Variants in KCNA1 observed in about 807,000 individuals in gnomAD.
KCNA1 encodes the protein potassium voltage-gated channel subfamily A member 1.
Under a neutral mutation model 28.8 loss-of-function variants are expected in KCNA1, and 19 were observed. That is an observed-to-expected ratio of 0.66 (90% confidence interval 0.46 to 0.97). The LOEUF is 0.97. KCNA1 is among the 50% of genes least tolerant of loss of function. The probability of loss-of-function intolerance (pLI) is 0.00; values close to 1 mark genes in which losing one functional copy is unlikely to be tolerated. For synonymous variants in KCNA1, 311 were observed against 268.8 expected (o/e 1.16, Z -1.53); for missense variants, 419 against 659.7 (o/e 0.64, Z 4.00).
rs544566349 is a variant in KCNA1 at position 4,917,740 on chromosome 12, G to A, written c.*4874G>A. 4 of 166,926 alleles carry A rather than the reference G, an allele frequency of 2.4e-5. No homozygotes were observed. Among genetic ancestry groups the A allele is most frequent in the Admixed American group, 2.0e-4 (3 of 15,270 alleles). 10.3% of individuals were successfully genotyped at this position (166,926 alleles called of 1,614,324 possible). A position where few individuals can be genotyped will look rare whatever the true frequency, so the allele number is the denominator to read the frequency against. On this transcript the variant is annotated 3_prime_UTR_variant, in exon 2 of 2. Coordinates refer to ENST00000382545, the MANE Select transcript of KCNA1 (RefSeq NM_000217.3). ...ATCAAAGAAGAAGAAATGGTGTATG[G>A]AAAGAAAACAAAACAAAACAAGAAA... is the stretch of plus-strand genomic sequence containing the variant.
Position 4,911,241 on chromosome 12 carries a change from T to G in KCNA1, c.-138T>G, listed in dbSNP as rs1947348459. 7.7e-6 allele frequency: 5 copies of G among 649,794 alleles called. No homozygotes were observed. The highest frequency in any genetic ancestry group is 1.3e-5 in the Non-Finnish European group (5 of 377,252). The allele number at this position is 649,794 out of a possible 1,614,324, so 40.3% of individuals were successfully genotyped here. A position where few individuals can be genotyped will look rare whatever the true frequency, so the allele number is the denominator to read the frequency against. ...CGCAGATCTCCCGACCTGCTCGTGT[T>G]GAAGCACCTCCCCCTGGGCGTGAGG... On this transcript the variant is annotated 5_prime_UTR_variant, in exon 2 of 2. Coordinates refer to ENST00000382545, the MANE Select transcript of KCNA1 (RefSeq NM_000217.3). This position sits in a 1 kb window ranked among gnomAD's most constrained non-coding sequence, Gnocchi z 6.6.
Position 4,917,792 on chromosome 12 carries a change from G to A in KCNA1, c.*4926G>A, listed in dbSNP as rs886049537. ...CTCTTGTAAAATATTCCAGGTCAAA[G>A]TTGTCTCCTCTCCAAACCTTGCAGA... On this transcript the variant is annotated 3_prime_UTR_variant, in exon 2 of 2. Coordinates refer to ENST00000382545, the MANE Select transcript of KCNA1 (RefSeq NM_000217.3). 3 of 167,046 alleles carry A rather than the reference G, an allele frequency of 1.8e-5. No homozygotes were observed. The highest frequency in any genetic ancestry group is 2.9e-5 in the Non-Finnish European group (2 of 68,128). 10.3% of individuals were successfully genotyped at this position (167,046 alleles called of 1,614,324 possible).
Position 4,914,780 on chromosome 12 carries a change from A to G in KCNA1, c.*1914A>G, listed in dbSNP as rs1178228668. On this transcript the variant is annotated 3_prime_UTR_variant, in exon 2 of 2. Coordinates refer to ENST00000382545, the MANE Select transcript of KCNA1 (RefSeq NM_000217.3). ...TGACGCTGGATGTGAACTGAGACCC[A>G]TCTTTGAACTGGACATGAACTGTGA... The G allele has an allele frequency of 5.4e-5, 9 of 167,074 alleles. No homozygotes were observed. The Admixed American group carries it at 5.9e-4, about 11-fold the overall frequency. The allele number at this position is 167,074 out of a possible 1,614,324, so 10.3% of individuals were successfully genotyped here. A position where few individuals can be genotyped will look rare whatever the true frequency, so the allele number is the denominator to read the frequency against.
Position 4,917,690 on chromosome 12 carries a change from G to A in KCNA1, c.*4824G>A, listed in dbSNP as rs955057648. 6.0e-6 allele frequency: 1 copy of A among 166,948 alleles called. No individual in the cohort carries two copies. The highest frequency in any genetic ancestry group is 6.5e-5 in the Admixed American group (1 of 15,278). The allele number at this position is 166,948 out of a possible 1,614,324, so 10.3% of individuals were successfully genotyped here. A position where few individuals can be genotyped will look rare whatever the true frequency, so the allele number is the denominator to read the frequency against. On this transcript the variant is annotated 3_prime_UTR_variant, in exon 2 of 2. Coordinates refer to ENST00000382545, the MANE Select transcript of KCNA1 (RefSeq NM_000217.3). The stretch of plus-strand genomic sequence containing the variant: ...ACTCTTTATGACGTGAAACTTCAAA[G>A]AGTATAGAAAACTTTTGTACCACAA...
rs754516764 is a variant in KCNA1 at position 4,911,344 on chromosome 12, C to A, written c.-35C>A. The A allele has an allele frequency of 4.4e-6, 7 of 1,601,418 alleles. No individual in the cohort carries two copies. Among genetic ancestry groups the A allele is most frequent in the Non-Finnish European group, 6.0e-6 (7 of 1,174,942 alleles). On this transcript the variant is annotated 5_prime_UTR_variant, in exon 2 of 2. Transcript: ENST00000382545. This position sits in a 1 kb window ranked among gnomAD's most constrained non-coding sequence, Gnocchi z 6.6. ...CTGGCTGCTTCCCACCCCGGGCTCT[C>A]TCCTGGCCTCCCACCCCCGCGCCCG...
chr12:4,912,261 C>A lies in KCNA1; in HGVS notation c.883C>A (p.Arg295Ser). ...ATSLAILRVI[R>S]LVRVFRIFKL... ...CTCCCTGGCCATCCTCAGGGTCATC[C>A]GCTTGGTAAGGGTTTTTAGAATCTT... The change falls in exon 2 of 2, where the codon CGC becomes AGC. Residue 295 changes from arginine to serine, a missense_variant. This residue lies in a region of KCNA1 where 54 missense variants were observed against 186.4 expected (regional missense o/e 0.29). Coordinates refer to ENST00000382545, the MANE Select transcript of KCNA1 (RefSeq NM_000217.3). 1 of 1,612,756 alleles carries A rather than the reference C, an allele frequency of 6.2e-7. No individual in the cohort carries two copies. The highest frequency in any genetic ancestry group is 8.5e-7 in the Non-Finnish European group (1 of 1,179,742).
In KCNA1 at chr12:4,913,017, A is replaced by G. The variant is rs760230132; in HGVS notation, c.*151A>G. On this transcript the variant is annotated 3_prime_UTR_variant, in exon 2 of 2. Transcript: ENST00000382545. ...TATTTAACTGTCAATGCGTTGTTGCATTGAGGATTTTGGGGGTGGTGAACC... is the reference window on the plus strand; with the variant it reads ...TATTTAACTGTCAATGCGTTGTTGCGTTGAGGATTTTGGGGGTGGTGAACC... The G allele has an allele frequency of 4.4e-6, 3 of 685,040 alleles. No individual in the cohort carries two copies. Among genetic ancestry groups the G allele is most frequent in the Non-Finnish European group, 7.9e-6 (3 of 378,650 alleles). The allele number at this position is 685,040 out of a possible 1,614,324, so 42.4% of individuals were successfully genotyped here.
Position 4,911,215 on chromosome 12 carries a change from T to G in KCNA1, c.-164T>G, listed in dbSNP as rs1227384836. 6.5e-6 allele frequency: 4 copies of G among 612,246 alleles called. No individual in the cohort carries two copies. Among genetic ancestry groups the G allele is most frequent in the Non-Finnish European group, 1.2e-5 (4 of 347,120 alleles). 37.9% of individuals were successfully genotyped at this position (612,246 alleles called of 1,614,324 possible). ...GAGGGGAAGGCAGCGAGAGGCAAAG[T>G]CGCAGATCTCCCGACCTGCTCGTGT... On this transcript the variant is annotated 5_prime_UTR_variant, in exon 2 of 2. Transcript: ENST00000382545. The surrounding 1 kb of genome is among the most constrained non-coding windows in gnomAD (Gnocchi z 6.6).
Position 4,911,615 on chromosome 12 carries a change from G to A in KCNA1, c.237G>A (p.Glu79=), listed in dbSNP as rs149110871. The stretch of plus-strand genomic sequence containing the variant: ...GCTACTTCGACCCCCTGAGGAACGA[G>A]TACTTCTTCGACCGCAACCGGCCCA... ...RMRYFDPLRN[E]YFFDRNRPSF... is the part of the protein sequence containing the mutation. Residue 79 remains glutamate, a synonymous_variant, in exon 2 of 2, where the codon GAG becomes GAA. Transcript: ENST00000382545. The surrounding 1 kb of genome is among the most constrained non-coding windows in gnomAD (Gnocchi z 6.6). The A allele has an allele frequency of 4.8e-4, 773 of 1,614,160 alleles. 8 individuals carry two copies. In the African/African-American group the frequency reaches 9.2e-3, roughly 19 times the overall value.
At position 4,913,099 on chromosome 12, in the gene KCNA1, A is replaced by G. The variant is rs1947362636; in HGVS notation, c.*233A>G. On this transcript the variant is annotated 3_prime_UTR_variant, in exon 2 of 2. Transcript: ENST00000382545. ...TATTTTCCTTTTATTAAAAAATGGG[A>G]AAAGAGAGAGTATTTTCTAAAACTG... The G allele has an allele frequency of 1.8e-6, 1 of 552,150 alleles. No homozygotes were observed. Among genetic ancestry groups the G allele is most frequent in the Non-Finnish European group, 3.3e-6 (1 of 301,808 alleles). The allele number at this position is 552,150 out of a possible 1,614,324, so 34.2% of individuals were successfully genotyped here.
rs1219849922 is a variant in KCNA1, at chr12:4,914,643, T to G, written c.*1777T>G. Reference sequence around the variant, plus strand: ...TTGCTTTTTCTTTTTCCATTCTCGCTCTCTCATTTCACCACTGTGAGAAGA... The same window carrying G: ...TTGCTTTTTCTTTTTCCATTCTCGCGCTCTCATTTCACCACTGTGAGAAGA... On this transcript the variant is annotated 3_prime_UTR_variant, in exon 2 of 2. Coordinates refer to ENST00000382545, the MANE Select transcript of KCNA1 (RefSeq NM_000217.3). 1.8e-5 allele frequency: 3 copies of G among 167,200 alleles called. No individual in the cohort carries two copies. Among genetic ancestry groups the G allele is most frequent in the African/African-American group, 7.2e-5 (3 of 41,440 alleles). 10.4% of individuals were successfully genotyped at this position (167,200 alleles called of 1,614,324 possible).
rs780167432 is a variant in KCNA1, at chr12:4,912,789, G to A, written c.1411G>A (p.Val471Ile). 6.8e-6 allele frequency: 11 copies of A among 1,613,944 alleles called. No individual in the cohort carries two copies. Among genetic ancestry groups the A allele is most frequent in the Non-Finnish European group, 8.5e-6 (10 of 1,180,002 alleles). Reference protein sequence around the residue: ...MNNSIAHYRQVNIRTANCTTA... With the variant: ...MNNSIAHYRQINIRTANCTTA... ...TAATAGCATAGCCCATTATAGACAG[G>A]TCAATATCAGAACTGCCAATTGCAC... is the stretch of plus-strand genomic sequence containing the variant. The change falls in exon 2 of 2, where the codon GTC becomes ATC. Residue 471 changes from valine to isoleucine, a missense_variant. Physicochemically the swap from Val to Ile is conservative, Grantham distance 29 (BLOSUM62 3). Around this residue, in one of 4 missense-constraint regions of KCNA1, gnomAD observed 81 missense variants for 86.5 expected, o/e 0.94. Transcript: ENST00000382545.
chr12:4,911,589 C>A lies in KCNA1; in HGVS notation c.211C>A (p.Arg71Ser), dbSNP rs1591627451. ...GCTGGGCAACCCTAAGAAACGCATGCGCTACTTCGACCCCCTGAGGAACGA... is the reference window on the plus strand; with the variant it reads ...GCTGGGCAACCCTAAGAAACGCATGAGCTACTTCGACCCCCTGAGGAACGA... ...TLLGNPKKRM[R>S]YFDPLRNEYF... The change falls in exon 2 of 2, where the codon CGC becomes AGC. Residue 71 changes from arginine to serine, a missense_variant. Physicochemically the swap from Arg to Ser is moderately radical, Grantham distance 110. This residue lies in a region of KCNA1 where 217 missense variants were observed against 329.6 expected (regional missense o/e 0.66). Transcript: ENST00000382545. This position sits in a 1 kb window ranked among gnomAD's most constrained non-coding sequence, Gnocchi z 6.6. The A allele has an allele frequency of 6.2e-7, 1 of 1,614,076 alleles. No homozygotes were observed. The highest frequency in any genetic ancestry group is 8.5e-7 in the Non-Finnish European group (1 of 1,180,052).
At position 4,917,040 on chromosome 12, in the gene KCNA1, T is replaced by C. The variant is rs1185533687; in HGVS notation, c.*4174T>C. 6.0e-6 allele frequency: 1 copy of C among 167,070 alleles called. No homozygotes were observed. Among genetic ancestry groups the C allele is most frequent in the Non-Finnish European group, 1.5e-5 (1 of 68,122 alleles). 10.3% of individuals were successfully genotyped at this position (167,070 alleles called of 1,614,324 possible). On this transcript the variant is annotated 3_prime_UTR_variant, in exon 2 of 2. Transcript: ENST00000382545. ...GAAAGAACATTAGCAGAAGGCACTT[T>C]CCCATTTTCTTCCAGGAATGACTTA...
rs753595503 is a variant in KCNA1, at chr12:4,910,783, GT to G, written c.-539-56del. 5.3e-4 allele frequency: 84 copies of G among 157,792 alleles called. 2 individuals carry two copies. Among genetic ancestry groups the G allele is most frequent in the Admixed American group, 8.8e-4 (14 of 15,984 alleles). The allele number at this position is 157,792 out of a possible 1,614,324, so 9.8% of individuals were successfully genotyped here. ...TGTGTTCTTCGGTGTCTGTAGGTCC[GT>G]CCCATCTGAATGCTTCTGATTTTCT... On this transcript the variant is annotated intron_variant, in intron 1 of 1. Transcript: ENST00000382545. The surrounding 1 kb of genome is among the most constrained non-coding windows in gnomAD (Gnocchi z 4.9).
Position 4,912,917 on chromosome 12 carries a change from T to TA in KCNA1, c.*57dup, listed in dbSNP as rs767865722. 62 of 1,303,946 alleles carry TA rather than the reference T, an allele frequency of 4.8e-5. No individual in the cohort carries two copies. The highest frequency in any genetic ancestry group is 4.2e-4 in the Admixed American group (25 of 59,336). The allele number at this position is 1,303,946 out of a possible 1,614,324, so 80.8% of individuals were successfully genotyped here. A position where few individuals can be genotyped will look rare whatever the true frequency, so the allele number is the denominator to read the frequency against. On this transcript the variant is annotated 3_prime_UTR_variant, in exon 2 of 2. Coordinates refer to ENST00000382545, the MANE Select transcript of KCNA1 (RefSeq NM_000217.3). Reference sequence around the variant, plus strand: ...GCCCCACTTAGCAGCTCAAAAGACTTAAAAAACAAAACAGAAAACCTAGTG... The same window carrying TA: ...GCCCCACTTAGCAGCTCAAAAGACTTAAAAAAACAAAACAGAAAACCTAGTG...
rs1312855741 is a variant in KCNA1, at chr12:4,911,612, C to A, written c.234C>A (p.Asn78Lys). The change falls in exon 2 of 2, where the codon AAC (asparagine) becomes AAA (lysine). Residue 78 changes from asparagine to lysine, a missense_variant. By Grantham distance (94) the Asn-to-Lys change is moderately conservative. Transcript: ENST00000382545. This position sits in a 1 kb window ranked among gnomAD's most constrained non-coding sequence, Gnocchi z 6.6. ...KRMRYFDPLR[N>K]EYFFDRNRPS... ...TGCGCTACTTCGACCCCCTGAGGAA[C>A]GAGTACTTCTTCGACCGCAACCGGC... The A allele has an allele frequency of 6.2e-7, 1 of 1,614,082 alleles. No individual in the cohort carries two copies. The highest frequency in any genetic ancestry group is 8.5e-7 in the Non-Finnish European group (1 of 1,180,054).
rs1425175027 is a variant in KCNA1, at chr12:4,911,815, A to G, written c.437A>G (p.Glu146Gly). 1 of 1,613,934 alleles carries G rather than the reference A, an allele frequency of 6.2e-7. No individual in the cohort carries two copies. Among genetic ancestry groups the G allele is most frequent in the South Asian group, 1.1e-5 (1 of 91,052 alleles). The change falls in exon 2 of 2, where the codon GAG (glutamate) becomes GGG (glycine). Residue 146 changes from glutamate to glycine, a missense_variant. Glu to Gly is a moderately conservative substitution (Grantham distance 98). Around this residue, in one of 4 missense-constraint regions of KCNA1, gnomAD observed 217 missense variants for 329.6 expected, o/e 0.66. Coordinates refer to ENST00000382545, the MANE Select transcript of KCNA1 (RefSeq NM_000217.3). The surrounding 1 kb of genome is among the most constrained non-coding windows in gnomAD (Gnocchi z 6.6). ...FIKEEERPLP[E>G]KEYQRQVWLL... ...AAGGAGGAGGAGCGCCCTCTGCCCGAGAAGGAGTACCAGCGCCAGGTGTGG... is the reference window on the plus strand; with the variant it reads ...AAGGAGGAGGAGCGCCCTCTGCCCGGGAAGGAGTACCAGCGCCAGGTGTGG...
chr12:4,911,983 TC>T lies in KCNA1; in HGVS notation c.607del (p.His203ThrfsTer52). The T allele has an allele frequency of 6.2e-7, 1 of 1,613,996 alleles. No individual in the cohort carries two copies. The highest frequency in any genetic ancestry group is 8.5e-7 in the Non-Finnish European group (1 of 1,180,000). ...GATGACAAGGACTTCACGGGCACCG[TC>T]CACCGCATCGACAACACCACGGTCA... ...LKDDKDFTGTVHRIDNTTVIY... is the reference protein window; with the variant it reads ...LKDDKDFTGTXHRIDNTTVIY... On this transcript the variant is annotated frameshift_variant, in exon 2 of 2. Coordinates refer to ENST00000382545, the MANE Select transcript of KCNA1 (RefSeq NM_000217.3). LOFTEE classifies it high-confidence loss of function. The surrounding 1 kb of genome is among the most constrained non-coding windows in gnomAD (Gnocchi z 6.6).
Sources: allele counts gnomAD v4.1 joint callset, GRCh38; gene constraint gnomAD v4.1.1; regional missense constraint gnomAD v4.1.1; non-coding constraint Gnocchi (gnomAD v3.1); transcripts MANE v1.5; gene names NCBI Gene and HGNC (gene_info 2026-07-23, HGNC 2026-07-21).